The following ALG12 variants were observed in gnomAD, a reference collection of about 807,000 sequenced individuals.
ALG12 encodes dol-P-Man:Man(7)GlcNAc(2)-PP-Dol alpha-1,6-mannosyltransferase.
ALG12 carries 36 observed loss-of-function variants against 46.0 expected under a neutral mutation model. The ratio of observed to expected loss-of-function variants is 0.78; its 90% CI spans 0.60 to 1.03. ALG12 has a LOEUF of 1.03. ALG12 is among the 50% of genes least tolerant of loss of function. ALG12 has a pLI of 0.00. For synonymous variants in ALG12, 326 were observed against 291.6 expected (o/e 1.12, Z -1.20); for missense variants, 599 against 633.5 (o/e 0.95, Z 0.58).
At chr22:49,859,419 C>G in the ALG12 span, among the ~76,000 whole-genome samples, 1 of 152,042 alleles carries the variant, frequency 6.6e-6, no homozygotes, top group African/African-American at 2.4e-5. Context: ...GTTGGGAGCC[C>G]CTTCCAAGCT....
At chr22:49,886,194 G>C in the ALG12 span, 1 of 739,168 alleles carries the variant, frequency 1.4e-6, no homozygotes, top group South Asian at 1.6e-5. This position sits in a 1 kb window ranked among gnomAD's most constrained non-coding sequence, Gnocchi z 7.7. Flanking sequence ...AGAGCCAGCG[G>C]ATGGTGCAGA....
At chr22:49,867,673 G>A in the ALG12 span, among the ~76,000 whole-genome samples, 1,442 of 152,286 alleles carry the variant, frequency 9.5e-3, 11 homozygotes, top group Non-Finnish European at 0.016. Flanking sequence ...GGGGATGCTC[G>A]GTGTATCACA....
the ALG12 span, chr22:49,888,152 A>G: frequency 2.4e-5 from 4 of 167,216 alleles, no homozygotes; most frequent in Non-Finnish European, 1.5e-5. Flanking sequence ...GATAGGGAAG[A>G]TGCGGCCATC....
the ALG12 span, among the ~76,000 whole-genome samples, chr22:49,868,134 AC>A: frequency 6.6e-6 from 1 of 152,090 alleles, no homozygotes; most frequent in East Asian, 1.9e-4. Flanking sequence ...CCTTCCACTT[AC>A]ATTTGTTGGT....
chr22:49,910,713 G>A (rs1169950320), intron 3 of ALG12, 106 bp from the exon 4 acceptor site: 6 of 1,345,898 alleles, frequency 4.5e-6, no homozygotes, highest in Non-Finnish European at 6.4e-6. Flanking sequence ...AGTTTTCTAT[G>A]CTGCTGCAAT....
intron 1 of ALG12, among the ~76,000 whole-genome samples, chr22:49,916,792 A>C (rs1210566911): frequency 2.6e-5 from 4 of 152,210 alleles, no homozygotes; most frequent in Non-Finnish European, 5.9e-5. Context: ...TTTCTACAAA[A>C]ATAAAAAATA....
the ALG12 span, among the ~76,000 whole-genome samples, chr22:49,869,750 C>T: frequency 1.1e-4 from 16 of 152,174 alleles, no homozygotes; most frequent in African/African-American, 3.6e-4. Flanking sequence ...ATTACCAGTT[C>T]ACAGCCATTC....
At chr22:49,914,696 G>T (rs891724388) in intron 1 of ALG12, among the ~76,000 whole-genome samples, 3 of 152,210 alleles carry the variant, frequency 2.0e-5, no homozygotes, top group Admixed American at 6.5e-5. Flanking sequence ...CAGAAGCAAA[G>T]GGAGAGAGAA....
chr22:49,873,644 A>G, the ALG12 span, among the ~76,000 whole-genome samples: 1 of 93,256 alleles, frequency 1.1e-5, no homozygotes, highest in Non-Finnish European at 1.8e-5. Context: ...AATTTGGGGG[A>G]AAAAAAAGTA....
rs946374283 is a variant in ALG12 at position 49,913,386 on chromosome 22, T to C, written c.294A>G (p.Ile98Met). 3.7e-6 allele frequency: 6 copies of C among 1,613,706 alleles called. No individual in the cohort carries two copies. Among genetic ancestry groups the C allele is most frequent in the Non-Finnish European group, 5.1e-6 (6 of 1,180,030 alleles). The change falls in exon 3 of 10, where the codon ATA becomes ATG. Residue 98 changes from isoleucine (I) to methionine (M), a missense_variant and splice_region_variant. Transcript: ENST00000330817. ...LEMSKFYSQL[I>M]VRGVLGLGVI... ...CTCCTTTGTTGAAGACCCCCTTACC[T>C]ATTAGCTGAGAGTAAAACTTGGACA... is the stretch of plus-strand genomic sequence containing the variant.
At chr22:49,861,138 T>A in the ALG12 span, among the ~76,000 whole-genome samples, 1 of 152,218 alleles carries the variant, frequency 6.6e-6, no homozygotes, top group Non-Finnish European at 1.5e-5. Context: ...CCACAACTCA[T>A]TTCCCCTCCT....
chr22:49,860,528 CT>C, the ALG12 span, among the ~76,000 whole-genome samples: 1 of 152,120 alleles, frequency 6.6e-6, no homozygotes, highest in Non-Finnish European at 1.5e-5. Context: ...TTATCTTCCA[CT>C]TTGGATGAAT....
At chr22:49,877,960 T>G in the ALG12 span, among the ~76,000 whole-genome samples, 1 of 152,200 alleles carries the variant, frequency 6.6e-6, no homozygotes, top group Non-Finnish European at 1.5e-5. Context: ...ACAATTTGTC[T>G]TCTAGTTTTT....
At chr22:49,863,553 G>A in the ALG12 span, among the ~76,000 whole-genome samples, 2 of 152,130 alleles carry the variant, frequency 1.3e-5, no homozygotes, top group African/African-American at 4.8e-5. Context: ...CTTGAACCGG[G>A]GAGGCGGAGG....
the ALG12 span, among the ~76,000 whole-genome samples, chr22:49,860,660 T>C: frequency 6.6e-6 from 1 of 152,226 alleles, no homozygotes; most frequent in Non-Finnish European, 1.5e-5. Flanking sequence ...CCCATTTGTT[T>C]CAGATCATTT....
In ALG12 at chr22:49,909,982, G is replaced by T; in HGVS notation, c.576C>A (p.Gly192=). The T allele has an allele frequency of 1.2e-6, 2 of 1,613,962 alleles. No individual in the cohort carries two copies. Among genetic ancestry groups the T allele is most frequent in the Non-Finnish European group, 1.7e-6 (2 of 1,179,966 alleles). The part of the protein sequence containing the change: ...VFRVELCLFL[G]LLLLLALGNR... ...TGCCCAAGGCCAGCAGCAGCAGGAG[G>T]CCCAGGAACAGGCACAGCTCCACCC... The change falls in exon 5 of 10, where the codon GGC becomes GGA. Residue 192 remains glycine (G), a synonymous_variant. Coordinates refer to ENST00000330817, the MANE Select transcript of ALG12 (RefSeq NM_024105.4).
At chr22:49,917,299 A>G (rs1288752035) in intron 1 of ALG12, among the ~76,000 whole-genome samples, 1 of 152,226 alleles carries the variant, frequency 6.6e-6, no homozygotes, top group Non-Finnish European at 1.5e-5. Flanking sequence ...TTACAGAACA[A>G]TGGCATCTCA....
chr22:49,877,109 A>G, the ALG12 span, among the ~76,000 whole-genome samples: 1 of 152,150 alleles, frequency 6.6e-6, no homozygotes, highest in South Asian at 2.1e-4. Context: ...GAACGCTGGC[A>G]GTGAGCTGCA....
rs9627788 is a variant in ALG12 at position 49,906,790 on chromosome 22, T to C, written c.992+931A>G. On this transcript the variant is annotated intron_variant, in intron 7 of 9. Transcript: ENST00000330817. The surrounding 1 kb of genome is among the most constrained non-coding windows in gnomAD (Gnocchi z 4.4). ...GCACAGAGCTGGCCAGCCTCAGCCC[T>C]GGGTTCTTCCGCAGCACCCACAGGG... Among the ~76,000 whole-genome samples the C allele has an allele frequency of 0.37, 56,697 of 152,052 alleles. 15,552 individuals are homozygous for C. Among genetic ancestry groups the C allele is most frequent in the African/African-American group, 0.78 (32,371 of 41,456 alleles).
Sources: gnomAD v4.1 joint callset for allele counts (sites outside exome capture counted in the v4.1 genomes callset) on GRCh38, gnomAD v4.1.1 for gene constraint, Gnocchi (gnomAD v3.1) non-coding constraint, MANE v1.5 for transcripts, NCBI Gene and HGNC (gene_info 2026-07-23, HGNC 2026-07-21) for gene names.